Variants in PXDNL observed in about 807,000 individuals in gnomAD.
PXDNL encodes probable oxidoreductase PXDNL.
In PXDNL, 145 loss-of-function variants were observed where a neutral mutation model predicts 150.8. The observed-to-expected ratio is 0.96, with a 90% confidence interval of 0.84 to 1.10. The LOEUF (loss-of-function observed/expected upper bound fraction) is 1.10. Ranked by LOEUF, PXDNL falls within the 50% of genes least tolerant of loss-of-function variation. PXDNL has a pLI of 0.00. For missense variants in PXDNL, 2,087 were observed against 1,873.9 expected, an observed-to-expected ratio of 1.11 and a Z score of -2.10; for synonymous variants, 757 against 725.7, an observed-to-expected ratio of 1.04 and a Z score of -0.69.
intron 1 of PXDNL, among the ~76,000 whole-genome samples, chr8:51,758,105 A>G (rs961187626): frequency 1.3e-5 from 2 of 152,204 alleles, no homozygotes; most frequent in Non-Finnish European, 2.9e-5. Context: ...TTGAAATTCA[A>G]CTAAAATCTT....
At chr8:51,366,404 C>T (rs542531828) in intron 19 of PXDNL, among the ~76,000 whole-genome samples, 32 of 152,296 alleles carry the variant, frequency 2.1e-4, no homozygotes, top group African/African-American at 7.5e-4. Context: ...GTCCATAAAT[C>T]TTCTTCCACC....
At chr8:51,694,812 C>G (rs1816081818) in intron 1 of PXDNL, among the ~76,000 whole-genome samples, 1 of 152,302 alleles carries the variant, frequency 6.6e-6, no homozygotes, top group South Asian at 2.1e-4. Context: ...TTAGGACCAT[C>G]TGAGTGTACT....
chr8:51,481,830 GA>G (rs1220285472), intron 6 of PXDNL, among the ~76,000 whole-genome samples: 4 of 152,194 alleles, frequency 2.6e-5, no homozygotes. Context: ...TGAGGTTTGG[GA>G]ACCTCCACCT....
chr8:51,425,421 T>G (rs1306289973), intron 13 of PXDNL, among the ~76,000 whole-genome samples: 4 of 152,222 alleles, frequency 2.6e-5, no homozygotes, highest in Non-Finnish European at 5.9e-5. Context: ...TAATGATGCA[T>G]GTCGTACAGT....
intron 17 of PXDNL, among the ~76,000 whole-genome samples, chr8:51,377,378 C>T (rs1016132471): frequency 3.3e-5 from 5 of 152,148 alleles, no homozygotes; most frequent in Admixed American, 6.5e-5. Flanking sequence ...CTCGCTGTCG[C>T]GGCCTCCTCA....
At chr8:51,706,382 A>G (rs1229428379) in intron 1 of PXDNL, among the ~76,000 whole-genome samples, 2 of 152,208 alleles carry the variant, frequency 1.3e-5, no homozygotes, top group Non-Finnish European at 2.9e-5. Flanking sequence ...ATTTAGATCA[A>G]TGAGTAAATG....
Position 51,600,486 on chromosome 8 carries a change from T to A in PXDNL, c.237-7788A>T, listed in dbSNP as rs1813682044. ...ATAATAAATTATATCTTATATAAAT[T>A]ATATCGTTTAGATAATAAATTATAT... On this transcript the variant is annotated intron_variant, in intron 2 of 22. Coordinates refer to ENST00000356297, the MANE Select transcript of PXDNL (RefSeq NM_144651.5). Among the ~76,000 whole-genome samples the A allele has an allele frequency of 1.5e-5, 2 of 136,862 alleles. 1 individual carries two copies. Among genetic ancestry groups the A allele is most frequent in the Non-Finnish European group, 3.1e-5 (2 of 65,342 alleles). 89.8% of individuals were successfully genotyped at this position (136,862 alleles called of 152,430 possible). A position where few individuals can be genotyped will look rare whatever the true frequency, so the allele number is the denominator to read the frequency against.
intron 3 of PXDNL, among the ~76,000 whole-genome samples, chr8:51,570,177 C>T (rs2130589902): frequency 6.6e-6 from 1 of 151,910 alleles, no homozygotes; most frequent in South Asian, 2.1e-4. Context: ...AGAAGAAATC[C>T]ATCATTTTCC....
chr8:51,405,494 G>A (rs1467996869), intron 17 of PXDNL, among the ~76,000 whole-genome samples: 8 of 152,186 alleles, frequency 5.3e-5, no homozygotes, highest in Admixed American at 5.2e-4. Context: ...CCACCCAGTG[G>A]ACTGAAGTGA....
chr8:51,493,433 G>T (rs1249353493), intron 5 of PXDNL, among the ~76,000 whole-genome samples: 2 of 152,226 alleles, frequency 1.3e-5, no homozygotes, highest in Non-Finnish European at 2.9e-5. Flanking sequence ...GCTGGAAGGA[G>T]AATGACTTTT....
intron 1 of PXDNL, among the ~76,000 whole-genome samples, chr8:51,673,591 T>G (rs1815545575): frequency 6.6e-6 from 1 of 152,200 alleles, no homozygotes; most frequent in Admixed American, 6.5e-5. Context: ...AGCAATGCCC[T>G]TGACTATGGG....
At chr8:51,475,769 C>A (rs115327488) in intron 6 of PXDNL, among the ~76,000 whole-genome samples, 1,694 of 151,792 alleles carry the variant, frequency 0.011, 35 homozygotes, top group African/African-American at 0.039. Flanking sequence ...GCAACCCTCA[C>A]CCCCCTCCCT....
intron 1 of PXDNL, among the ~76,000 whole-genome samples, chr8:51,734,790 A>G (rs1817000674): frequency 6.6e-6 from 1 of 152,226 alleles, no homozygotes; most frequent in Non-Finnish European, 1.5e-5. Context: ...ACTCAAAGCA[A>G]TATTACATAG....
At chr8:51,598,550 T>C (rs1813624116) in intron 2 of PXDNL, among the ~76,000 whole-genome samples, 2 of 152,166 alleles carry the variant, frequency 1.3e-5, no homozygotes, top group Non-Finnish European at 2.9e-5. Context: ...ATTTATTGAT[T>C]TTCATATGCT....
At chr8:51,398,096 A>C (rs1300417670) in intron 17 of PXDNL, among the ~76,000 whole-genome samples, 2 of 152,246 alleles carry the variant, frequency 1.3e-5, no homozygotes, top group Non-Finnish European at 2.9e-5. Flanking sequence ...CAATCACAAA[A>C]GAGGACAACA....
intron 1 of PXDNL, among the ~76,000 whole-genome samples, chr8:51,759,526 G>T (rs1175600003): frequency 6.6e-6 from 1 of 152,126 alleles, no homozygotes; most frequent in Non-Finnish European, 1.5e-5. Context: ...GCACAAAATA[G>T]GCACGCCCTA....
intron 19 of PXDNL, among the ~76,000 whole-genome samples, chr8:51,357,261 T>C (rs906476214): frequency 4.6e-5 from 7 of 152,230 alleles, no homozygotes; most frequent in Non-Finnish European, 1.0e-4. Context: ...CTATGTATCT[T>C]GTACCAAAGA....
chr8:51,681,980 A>G (rs1815760137), intron 1 of PXDNL, among the ~76,000 whole-genome samples: 1 of 152,224 alleles, frequency 6.6e-6, no homozygotes, highest in South Asian at 2.1e-4. Context: ...CGCTCATTGT[A>G]AAAATATTTA....
intron 5 of PXDNL, among the ~76,000 whole-genome samples, chr8:51,484,120 T>C (rs929155345): frequency 6.6e-6 from 1 of 152,070 alleles, no homozygotes; most frequent in East Asian, 1.9e-4. Flanking sequence ...ATTTGTGAAC[T>C]AAATATTTTA....
Sources: allele counts gnomAD v4.1 joint callset (sites outside exome capture counted in the v4.1 genomes callset), GRCh38; gene constraint gnomAD v4.1.1; transcripts MANE v1.5; gene names NCBI Gene and HGNC (gene_info 2026-07-23, HGNC 2026-07-21).